BBS5: variants seen among roughly 807,000 people sequenced by gnomAD.
The protein encoded by BBS5 is Bardet-Biedl syndrome 5.
BBS5 carries 39 observed loss-of-function variants against 50.2 expected under a neutral mutation model. The ratio of observed to expected loss-of-function variants is 0.78; its 90% CI spans 0.60 to 1.01. The LOEUF (loss-of-function observed/expected upper bound fraction) is 1.01. Ranked by LOEUF, BBS5 falls within the 50% of genes least tolerant of loss-of-function variation. The pLI, the probability that BBS5 is intolerant of heterozygous loss-of-function variation, is 0.00. For synonymous variants in BBS5, 134 were observed against 133.1 expected (o/e 1.01, Z -0.05); for missense variants, 356 against 401.5 (o/e 0.89, Z 0.97).
chr2:169,496,723 G>A (rs1683699973), intron 7 of BBS5, among the ~76,000 whole-genome samples: 1 of 152,114 alleles, frequency 6.6e-6, no homozygotes, highest in Admixed American at 6.5e-5. Flanking sequence ...CAAAAAATTA[G>A]CCGGGCATAG....
At chr2:169,499,856 G>A (rs1001059946) in intron 9 of BBS5, among the ~76,000 whole-genome samples, 1 of 152,198 alleles carries the variant, frequency 6.6e-6, no homozygotes, top group African/African-American at 2.4e-5. Context: ...TTGTAGGTGG[G>A]CAGCCACCTG....
intron 3 of BBS5, 119 bp from the exon 4 acceptor site, chr2:169,487,687 T>G: frequency 1.6e-6 from 1 of 642,988 alleles, no homozygotes; most frequent in Non-Finnish European, 2.6e-6. Flanking sequence ...AAAGTTTATT[T>G]CTATATATGT....
At chr2:169,495,343 A>G (rs746092170) in intron 7 of BBS5, among the ~76,000 whole-genome samples, 1 of 152,186 alleles carries the variant, frequency 6.6e-6, no homozygotes, top group Non-Finnish European at 1.5e-5. Flanking sequence ...CCTAACTTCT[A>G]TTATGCTGAA....
In BBS5 at chr2:169,479,571, G is replaced by C. The variant is rs202051938; in HGVS notation, c.18G>C (p.Ala6=). Residue 6 remains alanine, a synonymous_variant, in exon 1 of 12, where the codon GCG becomes GCC. Transcript: ENST00000295240. MSVLD[A]LWEDRDVRFD... is the part of the protein sequence containing the mutation. Reference sequence around the variant, plus strand: ...TGTTCACCATGTCGGTGCTGGATGCGCTTTGGGAGGATCGGGATGTCCGTT... The same window carrying C: ...TGTTCACCATGTCGGTGCTGGATGCCCTTTGGGAGGATCGGGATGTCCGTT... 2 of 1,614,084 alleles carry C rather than the reference G, an allele frequency of 1.2e-6. No homozygotes were observed. Among genetic ancestry groups the C allele is most frequent in the African/African-American group, 2.7e-5 (2 of 74,946 alleles).
intron 2 of BBS5, among the ~76,000 whole-genome samples, chr2:169,485,185 G>A (rs542046498): frequency 1.2e-4 from 19 of 152,244 alleles, no homozygotes; most frequent in Admixed American, 2.6e-4. Context: ...GTAAAATGGC[G>A]TAAGGAAAAC....
chr2:169,497,472 C>T (rs143546101), intron 7 of BBS5, among the ~76,000 whole-genome samples, 155 bp from the exon 8 acceptor site: 286 of 152,208 alleles, frequency 1.9e-3, no homozygotes, highest in African/African-American at 6.6e-3. Context: ...GTTTCTTTTA[C>T]TTGATCTCTG....
chr2:169,486,468 T>C (rs1683490523), intron 2 of BBS5, among the ~76,000 whole-genome samples: 1 of 152,198 alleles, frequency 6.6e-6, no homozygotes, highest in Non-Finnish European at 1.5e-5. Flanking sequence ...ATGAAGTATC[T>C]AACTTTGTAT....
At position 169,505,514 on chromosome 2, in the gene BBS5, G is replaced by T; in HGVS notation, c.*932G>T. On this transcript the variant is annotated 3_prime_UTR_variant, in exon 12 of 12. Transcript: ENST00000295240. The stretch of plus-strand genomic sequence containing the variant: ...CCATCCCATCTAGGAAGTGAGGAGC[G>T]CCTCTTCCCACCCGCCATCCCATCT... 3 of 274,850 alleles carry T rather than the reference G, an allele frequency of 1.1e-5. No homozygotes were observed. Among genetic ancestry groups the T allele is most frequent in the South Asian group, 6.5e-5 (2 of 30,842 alleles). 17.0% of individuals were successfully genotyped at this position (274,850 alleles called of 1,614,324 possible).
At chr2:169,499,166 G>A (rs768982747) in intron 8 of BBS5, 3 of 278,682 alleles carry the variant, frequency 1.1e-5, no homozygotes, top group Non-Finnish European at 2.1e-5. Context: ...TGATATTTCA[G>A]ATGAACTTAT....
chr2:169,498,936 C>T (rs1683748156), intron 8 of BBS5: 1 of 156,710 alleles, frequency 6.4e-6, no homozygotes, highest in African/African-American at 2.4e-5. Context: ...TATACTCTCA[C>T]CTATTACAGT....
At chr2:169,502,064 T>G (rs1683815723) in intron 9 of BBS5, among the ~76,000 whole-genome samples, 1 of 152,078 alleles carries the variant, frequency 6.6e-6, no homozygotes, top group South Asian at 2.1e-4. Context: ...CTCCCTTCCT[T>G]TCAGAATTAA....
chr2:169,487,219 T>C (rs1050836479), intron 3 of BBS5, 85 bp downstream of exon 3: 24 of 847,386 alleles, frequency 2.8e-5, no homozygotes, highest in Admixed American at 1.6e-4. Flanking sequence ...CAAAGAAGTA[T>C]GTAGAAATAT....
intron 8 of BBS5, 62 bp from the exon 9 acceptor site, chr2:169,499,424 T>A: frequency 6.6e-7 from 1 of 1,504,892 alleles, no homozygotes; most frequent in Non-Finnish European, 9.1e-7. Context: ...TAATTTATCT[T>A]ATACTATAAA....
At chr2:169,503,340 C>T (rs1015416431) in intron 10 of BBS5, among the ~76,000 whole-genome samples, 162 bp downstream of exon 10, 2 of 152,176 alleles carry the variant, frequency 1.3e-5, no homozygotes, top group African/African-American at 2.4e-5. Flanking sequence ...TCTTTTGTGA[C>T]GATAACTTTT....
rs550306767 is a variant in BBS5 at position 169,504,914 on chromosome 2, G to A, written c.*332G>A. On this transcript the variant is annotated 3_prime_UTR_variant, in exon 12 of 12. Transcript: ENST00000295240. ...GCAAATTCGCCCAGCCAATGGGGAC[G>A]TTGCGGCCCAGTGGGTGGAGGTCCA... 1.3e-5 allele frequency: 21 copies of A among 1,613,810 alleles called. No homozygotes were observed. Among genetic ancestry groups the A allele is most frequent in the Admixed American group, 6.7e-5 (4 of 60,018 alleles).
At chr2:169,502,749 T>C (rs991306004) in intron 9 of BBS5, among the ~76,000 whole-genome samples, 4 of 152,214 alleles carry the variant, frequency 2.6e-5, no homozygotes, top group African/African-American at 9.6e-5. Flanking sequence ...ATAATGACTA[T>C]TCTGAGGAAA....
rs1219986881 is a variant in BBS5, at chr2:169,506,607, TTAAG to T, written c.*2027_*2030del. On this transcript the variant is annotated 3_prime_UTR_variant, in exon 12 of 12. Transcript: ENST00000295240. Reference sequence around the variant, plus strand: ...CCTGTAAAGTCTTAGTTTTCAGACATTAAGTGACTGTATCATGTTCGGTTTAATA... The same window carrying T: ...CCTGTAAAGTCTTAGTTTTCAGACATTGACTGTATCATGTTCGGTTTAATA... The T allele has an allele frequency of 2.6e-5, 4 of 152,306 alleles. No individual in the cohort carries two copies. Among genetic ancestry groups the T allele is most frequent in the African/African-American group, 9.6e-5 (4 of 41,462 alleles). 9.4% of individuals were successfully genotyped at this position (152,306 alleles called of 1,614,324 possible). A position where few individuals can be genotyped will look rare whatever the true frequency, so the allele number is the denominator to read the frequency against.
intron 2 of BBS5, among the ~76,000 whole-genome samples, chr2:169,484,016 A>G (rs984082474): frequency 2.0e-5 from 3 of 152,172 alleles, no homozygotes; most frequent in Admixed American, 6.5e-5. Context: ...GCAGAATCCT[A>G]TACTAATACT....
chr2:169,487,392 C>G (rs1402942185), intron 3 of BBS5, among the ~76,000 whole-genome samples: 7 of 152,036 alleles, frequency 4.6e-5, no homozygotes, highest in Non-Finnish European at 1.0e-4. Context: ...ACTATCATCC[C>G]CTGTTTTGAT....
Sources: allele counts gnomAD v4.1 joint callset (sites outside exome capture counted in the v4.1 genomes callset), GRCh38; gene constraint gnomAD v4.1.1; transcripts MANE v1.5; gene names NCBI Gene and HGNC (gene_info 2026-07-23, HGNC 2026-07-21).